KLF11: variants seen among roughly 807,000 people sequenced by gnomAD.
KLF11 encodes the protein Krueppel-like factor 11.
A neutral mutation model predicts 29.9 loss-of-function variants in KLF11; 26 were observed. That is an observed-to-expected ratio of 0.87 (90% CI 0.64 to 1.21). The LOEUF (loss-of-function observed/expected upper bound fraction) is 1.21, where lower values mean the gene tolerates loss of function less well. Ranked by LOEUF, KLF11 falls within the 50% of genes most tolerant of loss-of-function variation. KLF11 has a pLI of 0.00. For synonymous variants in KLF11, 318 were observed against 257.4 expected (o/e 1.24, Z -2.25); for missense variants, 778 against 665.7 (o/e 1.17, Z -1.86).
intron 3 of KLF11, among the ~76,000 whole-genome samples, chr2:10,050,144 C>T (rs1206336028): frequency 1.3e-5 from 2 of 152,232 alleles, no homozygotes; most frequent in Non-Finnish European, 2.9e-5. Flanking sequence ...TACAGGGGCT[C>T]ACGCCTGTCA....
chr2:10,043,618 G>A lies in KLF11; in HGVS notation c.-99G>A, dbSNP rs1380089325. The A allele has an allele frequency of 1.4e-5, 12 of 837,404 alleles. No individual in the cohort carries two copies. Among genetic ancestry groups the A allele is most frequent in the Admixed American group, 6.6e-5 (1 of 15,044 alleles). The allele number at this position is 837,404 out of a possible 1,614,324, so 51.9% of individuals were successfully genotyped here. ...GCGCGTGCCGGCCGCAGGAGCTCCG[G>A]GTTGCCGCCGCCGCCGCCGCCCGCA... On this transcript the variant is annotated 5_prime_UTR_variant, in exon 1 of 4. Coordinates refer to ENST00000305883, the MANE Select transcript of KLF11 (RefSeq NM_003597.5).
intron 2 of KLF11, 141 bp from the exon 3 acceptor site, chr2:10,047,509 C>T: frequency 3.9e-6 from 3 of 768,320 alleles, no homozygotes; most frequent in Non-Finnish European, 6.6e-6. Flanking sequence ...CCTCATGCAG[C>T]CTTGAAACCC....
In KLF11 at chr2:10,054,316, C is replaced by G. The variant is rs1438560890; in HGVS notation, c.*1809C>G. The G allele has an allele frequency of 2.0e-5, 3 of 152,194 alleles. No homozygotes were observed. Among genetic ancestry groups the G allele is most frequent in the Non-Finnish European group, 4.4e-5 (3 of 68,042 alleles). 9.4% of individuals were successfully genotyped at this position (152,194 alleles called of 1,614,324 possible). ...GGATATTTTTCTTAATTATGACATGCAAAGTAATGTGAGTCCTGCCAGTAT... is the reference window on the plus strand; with the variant it reads ...GGATATTTTTCTTAATTATGACATGGAAAGTAATGTGAGTCCTGCCAGTAT... On this transcript the variant is annotated 3_prime_UTR_variant, in exon 4 of 4. Coordinates refer to ENST00000305883, the MANE Select transcript of KLF11 (RefSeq NM_003597.5).
At position 10,045,894 on chromosome 2, in the gene KLF11, C is replaced by A. The variant is rs190130541; in HGVS notation, c.43-256C>A. ...CCCAAGAAAAATATGAACTTAGTAG[C>A]CCTTTTTAAGAGTCAGGATTTTTGG... On this transcript the variant is annotated intron_variant, in intron 1 of 3. Transcript: ENST00000305883. Among the ~76,000 whole-genome samples the A allele has an allele frequency of 2.6e-5, 4 of 152,348 alleles. No homozygotes were observed. The East Asian group carries it at 7.7e-4, about 29-fold the overall frequency.
intron 2 of KLF11, 67 bp from the exon 3 acceptor site, chr2:10,047,583 C>CA (rs1661248541): frequency 1.6e-6 from 2 of 1,273,710 alleles, no homozygotes; most frequent in Non-Finnish European, 2.3e-6. Context: ...GTATTGGGAG[C>CA]ATTGTGATGA....
intron 2 of KLF11, 39 bp from the exon 3 acceptor site, chr2:10,047,611 A>C: frequency 6.4e-7 from 1 of 1,554,578 alleles, no homozygotes. Flanking sequence ...CCCTTTTAAA[A>C]TTTAAAGCAA....
chr2:10,045,452 G>A (rs1033546187), intron 1 of KLF11, among the ~76,000 whole-genome samples: 2 of 151,918 alleles, frequency 1.3e-5, no homozygotes, highest in Non-Finnish European at 2.9e-5. Context: ...AGCCGAGATT[G>A]TGCCACTGCA....
At chr2:10,052,101 C>T in intron 3 of KLF11, 126 bp from the exon 4 acceptor site, 1 of 998,810 alleles carries the variant, frequency 1.0e-6, no homozygotes. Context: ...CATCCAATTC[C>T]AGAGTAATAA....
Position 10,052,454 on chromosome 2 carries a change from G to T in KLF11, c.1486G>T (p.Ala496Ser). 1 of 1,614,066 alleles carries T rather than the reference G, an allele frequency of 6.2e-7. No individual in the cohort carries two copies. The highest frequency in any genetic ancestry group is 8.5e-7 in the Non-Finnish European group (1 of 1,180,008). Reference protein sequence around the residue: ...QAEVGKLNRIASAESPGSPLV... With the variant: ...QAEVGKLNRISSAESPGSPLV... ...AGAGGTTGGCAAGCTGAACAGAATC[G>T]CCTCTGCAGAGAGCCCGGGGAGCCC... Residue 496 changes from alanine to serine, a missense_variant, in exon 4 of 4, where the codon GCC (alanine) becomes TCC (serine). Coordinates refer to ENST00000305883, the MANE Select transcript of KLF11 (RefSeq NM_003597.5).
At position 10,053,398 on chromosome 2, in the gene KLF11, A is replaced by G. The variant is rs1010879844; in HGVS notation, c.*891A>G. 2.8e-5 allele frequency: 11 copies of G among 398,556 alleles called. No individual in the cohort carries two copies. Among genetic ancestry groups the G allele is most frequent in the African/African-American group, 8.2e-5 (4 of 48,644 alleles). The allele number at this position is 398,556 out of a possible 1,614,324, so 24.7% of individuals were successfully genotyped here. A position where few individuals can be genotyped will look rare whatever the true frequency, so the allele number is the denominator to read the frequency against. The stretch of plus-strand genomic sequence containing the variant: ...ACACTCAAATCCAGCTGCTTTGTCA[A>G]TTGTCAGTTCTGACTCCTTTTGCTG... On this transcript the variant is annotated 3_prime_UTR_variant, in exon 4 of 4. Transcript: ENST00000305883.
chr2:10,044,557 C>A, intron 1 of KLF11: 1 of 460,694 alleles, frequency 2.2e-6, no homozygotes, highest in Non-Finnish European at 2.9e-6. Flanking sequence ...TGTTTGATCT[C>A]GGGGAACCTC....
rs780798947 is a variant in KLF11 at position 10,048,519 on chromosome 2, T to C, written c.1182T>C (p.Tyr394=). The part of the protein sequence containing the change: ...PQVDFSRRRN[Y]VCSFPGCRKT... Reference sequence around the variant, plus strand: ...TAGACTTTTCCCGAAGGAGGAACTATGTATGCAGCTTCCCAGGTTGCCGGA... The same window carrying C: ...TAGACTTTTCCCGAAGGAGGAACTACGTATGCAGCTTCCCAGGTTGCCGGA... The change falls in exon 3 of 4, where the codon TAT becomes TAC. Residue 394 remains tyrosine (Y), a synonymous_variant. Transcript: ENST00000305883. The C allele has an allele frequency of 1.9e-6, 3 of 1,613,552 alleles. No homozygotes were observed. The highest frequency in any genetic ancestry group is 1.1e-5 in the South Asian group (1 of 91,086).
intron 1 of KLF11, chr2:10,044,434 C>T (rs1016976163): frequency 9.1e-6 from 9 of 985,380 alleles, no homozygotes; most frequent in Non-Finnish European, 7.2e-6. Context: ...GCCGGGCGAG[C>T]CCCTTCCCGC....
chr2:10,048,325 G>T lies in KLF11; in HGVS notation c.988G>T (p.Val330Leu), dbSNP rs756696368. The T allele has an allele frequency of 1.2e-6, 2 of 1,601,640 alleles. No individual in the cohort carries two copies. Among genetic ancestry groups the T allele is most frequent in the African/African-American group, 2.7e-5 (2 of 74,678 alleles). ...QAAPAPQPVF[V>L]GPAVPQGAVM... ...TGCTCCAGCGCCTCAACCTGTGTTC[G>T]TGGGACCTGCTGTGCCTCAGGGAGC... is the stretch of plus-strand genomic sequence containing the variant. Residue 330 changes from valine (V) to leucine (L), a missense_variant, in exon 3 of 4, where the codon GTG (valine) becomes TTG (leucine). Physicochemically the swap from Val to Leu is conservative, Grantham distance 32 (BLOSUM62 1). Coordinates refer to ENST00000305883, the MANE Select transcript of KLF11 (RefSeq NM_003597.5).
chr2:10,044,905 G>C (rs1475250816), intron 1 of KLF11, among the ~76,000 whole-genome samples: 1 of 152,198 alleles, frequency 6.6e-6, no homozygotes, highest in Non-Finnish European at 1.5e-5. Context: ...CAGCACTCTG[G>C]GAGACCGAGG....
intron 1 of KLF11, chr2:10,044,325 G>A: frequency 1.0e-6 from 1 of 985,196 alleles, no homozygotes; most frequent in Non-Finnish European, 1.2e-6. Context: ...AACGCGGCAC[G>A]CGAGCGTTGG....
intron 3 of KLF11, among the ~76,000 whole-genome samples, chr2:10,049,046 T>A (rs1661326221): frequency 6.6e-6 from 1 of 152,124 alleles, no homozygotes; most frequent in Admixed American, 6.6e-5. Context: ...AAATATTTTT[T>A]AAAAGAGTAT....
intron 1 of KLF11, chr2:10,044,278 G>C: frequency 1.0e-6 from 1 of 983,370 alleles, no homozygotes. Flanking sequence ...CGGGAGCGCC[G>C]CACTGCCTTG....
At chr2:10,048,655 C>T (rs1035042154) in intron 3 of KLF11, 60 bp downstream of exon 3, 1 of 1,281,460 alleles carries the variant, frequency 7.8e-7, no homozygotes, top group Non-Finnish European at 1.1e-6. Context: ...GGAAGCACAC[C>T]TTGAGCCGCC....
Sources: gnomAD v4.1 joint callset for allele counts (sites outside exome capture counted in the v4.1 genomes callset) on GRCh38, gnomAD v4.1.1 for gene constraint, MANE v1.5 for transcripts, NCBI Gene and HGNC (gene_info 2026-07-23, HGNC 2026-07-21) for gene names.